SOCS6: variants seen among roughly 807,000 people sequenced by gnomAD.
The protein encoded by SOCS6 is STAT induced STAT inhibitor-4.
Under a neutral mutation model 27.7 loss-of-function variants are expected in SOCS6, and 5 were observed. The observed-to-expected ratio is 0.18, with a 90% confidence interval of 0.09 to 0.38. The LOEUF (loss-of-function observed/expected upper bound fraction) is 0.38. Among genes scored for constraint, SOCS6 ranks in the 10% least tolerant of loss-of-function variants. The pLI, the probability that SOCS6 is intolerant of heterozygous loss-of-function variation, is 1.00. For synonymous variants in SOCS6, 271 were observed against 260.0 expected, an observed-to-expected ratio of 1.04 and a Z score of -0.41; for missense variants, 595 against 688.1, an observed-to-expected ratio of 0.86 and a Z score of 1.51.
chr18:70,305,679 C>G (rs558897446), intron 1 of SOCS6, among the ~76,000 whole-genome samples: 1 of 152,112 alleles, frequency 6.6e-6, no homozygotes, highest in Non-Finnish European at 1.5e-5. Context: ...ATTGAATCTT[C>G]CAGTTCAAAA....
intron 1 of SOCS6, among the ~76,000 whole-genome samples, chr18:70,313,348 GCTTT>G (rs763929367): frequency 4.9e-4 from 75 of 151,678 alleles, no homozygotes; most frequent in Non-Finnish European, 9.0e-4. Context: ...TCTATTTTTT[GCTTT>G]CTTTATGCCA....
intron 1 of SOCS6, among the ~76,000 whole-genome samples, chr18:70,320,031 G>A (rs535844807): frequency 6.6e-6 from 1 of 150,672 alleles, no homozygotes; most frequent in African/African-American, 2.5e-5. Flanking sequence ...CTTGCTTGTT[G>A]CCCAGGCTGG....
chr18:70,320,303 A>G (rs1046496589), intron 1 of SOCS6, among the ~76,000 whole-genome samples: 3 of 152,182 alleles, frequency 2.0e-5, no homozygotes, highest in Non-Finnish European at 2.9e-5. Flanking sequence ...AGAGTAAAAA[A>G]ATTTTGTGTT....
chr18:70,300,955 G>T (rs922298772), intron 1 of SOCS6, among the ~76,000 whole-genome samples: 2 of 152,144 alleles, frequency 1.3e-5, no homozygotes, highest in Non-Finnish European at 2.9e-5. Flanking sequence ...AGAGCTAAGG[G>T]CCCTGAAAGA....
chr18:70,312,355 T>C (rs567461564), intron 1 of SOCS6, among the ~76,000 whole-genome samples: 2 of 152,264 alleles, frequency 1.3e-5, no homozygotes, highest in East Asian at 1.9e-4. Flanking sequence ...ATAAGGAACA[T>C]TGTTGTCCAT....
chr18:70,303,269 C>T (rs1355178118), intron 1 of SOCS6, among the ~76,000 whole-genome samples: 1 of 152,160 alleles, frequency 6.6e-6, no homozygotes, highest in African/African-American at 2.4e-5. Flanking sequence ...ATCAATTTCA[C>T]TGGTTCTCTA....
intron 1 of SOCS6, among the ~76,000 whole-genome samples, chr18:70,317,175 G>A (rs964511478): frequency 2.0e-5 from 3 of 152,092 alleles, no homozygotes; most frequent in African/African-American, 4.8e-5. Context: ...ACATTGTACC[G>A]AGTGTGTAGT....
chr18:70,297,674 A>C (rs1455048641), intron 1 of SOCS6, among the ~76,000 whole-genome samples: 1 of 152,170 alleles, frequency 6.6e-6, no homozygotes, highest in Non-Finnish European at 1.5e-5. Flanking sequence ...TAATCTTTTC[A>C]TTTTGTAAGA....
At chr18:70,322,657 C>A (rs1174360518) in intron 1 of SOCS6, among the ~76,000 whole-genome samples, 2 of 152,150 alleles carry the variant, frequency 1.3e-5, no homozygotes, top group Non-Finnish European at 2.9e-5. Flanking sequence ...TATACAACTT[C>A]ATTTATTATT....
At chr18:70,293,703 A>G (rs912458124) in intron 1 of SOCS6, among the ~76,000 whole-genome samples, 1 of 152,038 alleles carries the variant, frequency 6.6e-6, no homozygotes, top group East Asian at 1.9e-4. Flanking sequence ...CAGCACTTCA[A>G]TTTTATAGGG....
chr18:70,296,465 G>A (rs1012382692), intron 1 of SOCS6: 11 of 152,314 alleles, frequency 7.2e-5, no homozygotes, highest in Non-Finnish European at 1.3e-4. Flanking sequence ...GGATGTGGGT[G>A]TATCTGCAGG....
Position 70,326,132 on chromosome 18 carries a change from C to G in SOCS6, c.1464C>G (p.Thr488=). 6.2e-7 allele frequency: 1 copy of G among 1,614,154 alleles called. No homozygotes were observed. ...PGSATYPVRL[T]NPVSRFMQVR... is the part of the protein sequence containing the mutation. ...CTGCAACTTACCCCGTCAGACTGAC[C>G]AACCCAGTGTCCCGGTTCATGCAGG... is the stretch of plus-strand genomic sequence containing the variant. Residue 488 remains threonine (T), a synonymous_variant, in exon 2 of 2, where the codon ACC becomes ACG. Transcript: ENST00000397942.
Position 70,325,011 on chromosome 18 carries a change from G to T in SOCS6, c.343G>T (p.Asp115Tyr). 6.2e-7 allele frequency: 1 copy of T among 1,613,894 alleles called. No individual in the cohort carries two copies. Among genetic ancestry groups the T allele is most frequent in the Non-Finnish European group, 8.5e-7 (1 of 1,179,928 alleles). The change falls in exon 2 of 2, where the codon GAC becomes TAC. Residue 115 changes from aspartate (D) to tyrosine (Y), a missense_variant. Physicochemically the swap from Asp to Tyr is radical, Grantham distance 160 (BLOSUM62 -3). Coordinates refer to ENST00000397942, the MANE Select transcript of SOCS6 (RefSeq NM_004232.4). This position sits in a 1 kb window ranked among gnomAD's most constrained non-coding sequence, Gnocchi z 6.3. ...CTCCTCAGCACCCATAGTCTTTAAAGACGTGAGAGCTCAGAGGCCGATAAG... is the reference window on the plus strand; with the variant it reads ...CTCCTCAGCACCCATAGTCTTTAAATACGTGAGAGCTCAGAGGCCGATAAG... ...SSSSAPIVFKDVRAQRPIRST... is the reference protein window; with the variant it reads ...SSSSAPIVFKYVRAQRPIRST...
intron 1 of SOCS6, among the ~76,000 whole-genome samples, chr18:70,319,281 T>C (rs553847101): frequency 4.0e-4 from 61 of 152,296 alleles, no homozygotes; most frequent in Non-Finnish European, 4.9e-4. Context: ...ACCATGCAGG[T>C]TCAGAAATTG....
At chr18:70,324,118 C>T (rs1181360112) in intron 1 of SOCS6, among the ~76,000 whole-genome samples, 3 of 151,950 alleles carry the variant, frequency 2.0e-5, no homozygotes, top group Non-Finnish European at 1.5e-5. Flanking sequence ...CTGGCTAACA[C>T]GATGAAACCC....
intron 1 of SOCS6, among the ~76,000 whole-genome samples, chr18:70,311,740 G>C (rs2062391745): frequency 6.6e-6 from 1 of 152,110 alleles, no homozygotes; most frequent in South Asian, 2.1e-4. Flanking sequence ...TAGTTTTATA[G>C]CTTCTTTCCC....
At chr18:70,298,738 C>T (rs2062335278) in intron 1 of SOCS6, among the ~76,000 whole-genome samples, 1 of 152,156 alleles carries the variant, frequency 6.6e-6, no homozygotes, top group Non-Finnish European at 1.5e-5. Context: ...TCATAGGAGT[C>T]TCAGGCCTGA....
chr18:70,308,168 C>T (rs1199848374), intron 1 of SOCS6, among the ~76,000 whole-genome samples: 1 of 152,026 alleles, frequency 6.6e-6, no homozygotes, highest in African/African-American at 2.4e-5. Context: ...AATTTACTTC[C>T]ATTGTGGTCA....
chr18:70,291,488 A>G (rs2062299198), intron 1 of SOCS6, among the ~76,000 whole-genome samples: 1 of 152,186 alleles, frequency 6.6e-6, no homozygotes, highest in Non-Finnish European at 1.5e-5. Context: ...GTTTTCAGGA[A>G]ACTTTTGGGT....
Sources: gnomAD v4.1 joint callset for allele counts (sites outside exome capture counted in the v4.1 genomes callset) on GRCh38, gnomAD v4.1.1 for gene constraint, Gnocchi (gnomAD v3.1) non-coding constraint, MANE v1.5 for transcripts, NCBI Gene and HGNC (gene_info 2026-07-23, HGNC 2026-07-21) for gene names.